Variants in CPLX1 observed in about 807,000 individuals in gnomAD.
CPLX1 encodes complexin 1, also known as complexin-1.
A neutral mutation model predicts 15.6 loss-of-function variants in CPLX1; 6 were observed. That is an observed-to-expected ratio of 0.39 (90% CI 0.21 to 0.76). The LOEUF is 0.76. CPLX1 is among the 30% of genes least tolerant of loss of function. The probability of loss-of-function intolerance (pLI) is 0.43; values close to 1 mark genes in which losing one functional copy is unlikely to be tolerated. For synonymous variants in CPLX1, 91 were observed against 75.2 expected (o/e 1.21, Z -1.08); for missense variants, 242 against 188.6 (o/e 1.28, Z -1.66).
Position 786,182 on chromosome 4 carries a change from A to G in CPLX1, c.*319T>C. ...CGCCCACCGCCGCGAACGCGCGCACAGGGGTGGTCGCGGGGCTGCCCTTCG... is the reference window on the plus strand; with the variant it reads ...CGCCCACCGCCGCGAACGCGCGCACGGGGGTGGTCGCGGGGCTGCCCTTCG... On this transcript the variant is annotated 3_prime_UTR_variant, in exon 4 of 4. Transcript: ENST00000304062. 5.1e-6 allele frequency: 1 copy of G among 195,448 alleles called. No homozygotes were observed. The allele number at this position is 195,448 out of a possible 1,614,324, so 12.1% of individuals were successfully genotyped here.
At chr4:790,059 G>A (rs116578450) in intron 3 of CPLX1, among the ~76,000 whole-genome samples, 2 of 74,600 alleles carry the variant, frequency 2.7e-5, no homozygotes, top group African/African-American at 9.1e-5. Context: ...CCACGCCTGA[G>A]GGCAGCGTTC....
chr4:807,307 C>T (rs1363400385), intron 2 of CPLX1, among the ~76,000 whole-genome samples: 9 of 152,146 alleles, frequency 5.9e-5, no homozygotes, highest in Admixed American at 5.2e-4. Flanking sequence ...GGGAAAAACA[C>T]ACACTGGGGC....
chr4:809,182 A>G (rs1302512027), intron 2 of CPLX1, among the ~76,000 whole-genome samples: 1 of 152,198 alleles, frequency 6.6e-6, no homozygotes, highest in Non-Finnish European at 1.5e-5. Context: ...CACGCTGTGA[A>G]CCGTATCTTG....
chr4:823,070 T>C (rs1352202532), intron 2 of CPLX1, among the ~76,000 whole-genome samples: 1 of 152,212 alleles, frequency 6.6e-6, no homozygotes, highest in Non-Finnish European at 1.5e-5. Context: ...ATTTCAGTCA[T>C]GTAGACAGCC....
intron 2 of CPLX1, among the ~76,000 whole-genome samples, chr4:810,047 CTTTTTTT>C (rs34354609): frequency 1.2e-4 from 14 of 120,342 alleles, no homozygotes; most frequent in South Asian, 5.5e-4. Context: ...TCTGCACTTT[CTTTTTTT>C]TTTTTTTTTT....
intron 2 of CPLX1, among the ~76,000 whole-genome samples, chr4:803,462 G>C (rs187225316): frequency 2.0e-5 from 3 of 152,200 alleles, no homozygotes; most frequent in Non-Finnish European, 2.9e-5. Context: ...GCCATCTCGG[G>C]TCACTGCAAG....
chr4:825,287 C>T (rs1025744118), intron 1 of CPLX1, among the ~76,000 whole-genome samples: 2 of 152,292 alleles, frequency 1.3e-5, no homozygotes, highest in East Asian at 1.9e-4. Context: ...CCGCAGTGAG[C>T]CCCCCGGTTT....
chr4:791,440 G>A (rs3775146), intron 3 of CPLX1, among the ~76,000 whole-genome samples: 3 of 151,958 alleles, frequency 2.0e-5, no homozygotes, highest in African/African-American at 7.2e-5. Context: ...TGCATGTGCC[G>A]CACCTGCCCC....
chr4:810,252 T>C (rs1746641782), intron 2 of CPLX1, among the ~76,000 whole-genome samples: 1 of 151,518 alleles, frequency 6.6e-6, no homozygotes. Flanking sequence ...GGTTTCACCA[T>C]GTTAGCCAGG....
intron 2 of CPLX1, among the ~76,000 whole-genome samples, chr4:810,940 G>T (rs1046751444): frequency 6.6e-6 from 1 of 151,210 alleles, no homozygotes; most frequent in Non-Finnish European, 1.5e-5. Context: ...CAGGTGATCC[G>T]CCCGCCTCAG....
chr4:805,438 A>C (rs1577477954), intron 2 of CPLX1, among the ~76,000 whole-genome samples: 1 of 152,220 alleles, frequency 6.6e-6, no homozygotes, highest in Non-Finnish European at 1.5e-5. Flanking sequence ...GGCTGTTATC[A>C]AAAACCAGGA....
At chr4:823,921 G>A (rs1355380215) in intron 2 of CPLX1, among the ~76,000 whole-genome samples, 2 of 152,240 alleles carry the variant, frequency 1.3e-5, no homozygotes, top group African/African-American at 2.4e-5. Context: ...AGACACACAA[G>A]CTGTTTCGGG....
intron 3 of CPLX1, chr4:787,930 A>G: frequency 5.1e-6 from 5 of 985,188 alleles, no homozygotes; most frequent in Non-Finnish European, 6.0e-6. Flanking sequence ...ACGGAGCTGG[A>G]CTTCCATCCC....
intron 2 of CPLX1, chr4:804,805 G>C (rs1746523155): frequency 3.5e-5 from 34 of 985,280 alleles, no homozygotes; most frequent in Non-Finnish European, 4.1e-5. Context: ...CGGCTCTGGC[G>C]GTCGTCAGCC....
intron 2 of CPLX1, among the ~76,000 whole-genome samples, chr4:812,288 G>A (rs1244061910): frequency 6.6e-6 from 1 of 152,052 alleles, no homozygotes; most frequent in African/African-American, 2.4e-5. Flanking sequence ...TGTTGTCCAG[G>A]ATGGTCTTGA....
At chr4:804,847 T>C in intron 2 of CPLX1, 1 of 981,398 alleles carries the variant, frequency 1.0e-6, no homozygotes, top group Non-Finnish European at 1.2e-6. Context: ...AGCGACGTGC[T>C]CAGCCTCCAC....
chr4:786,605 T>G lies in CPLX1; in HGVS notation c.301A>C (p.Ile101Leu), dbSNP rs1745998896. The G allele has an allele frequency of 6.2e-7, 1 of 1,612,280 alleles. No homozygotes were observed. The highest frequency in any genetic ancestry group is 8.5e-7 in the Non-Finnish European group (1 of 1,179,400). ...EGSLTRPKKA[I>L]PPGCGDEVEE... ...ACCTCGTCCCCGCAGCCCGGCGGGA[T>G]GGCCTTCTTGGGCCGCGTCAAGCTC... Residue 101 changes from isoleucine to leucine, a missense_variant, in exon 4 of 4, where the codon ATC becomes CTC. Ile to Leu is a conservative substitution (Grantham distance 5). Coordinates refer to ENST00000304062, the MANE Select transcript of CPLX1 (RefSeq NM_006651.4).
At chr4:795,133 C>CG (rs371663137) in intron 2 of CPLX1, among the ~76,000 whole-genome samples, 3 of 152,382 alleles carry the variant, frequency 2.0e-5, no homozygotes, top group African/African-American at 7.2e-5. Context: ...CACGCCCCCC[C>CG]GCTTTTCGGC....
intron 3 of CPLX1, 142 bp downstream of exon 3, chr4:792,290 CG>C: frequency 2.8e-6 from 2 of 724,306 alleles, no homozygotes; most frequent in African/African-American, 1.9e-5. Context: ...CTCACCCCTC[CG>C]CCACTCTGAA....
Sources: gnomAD v4.1 joint callset for allele counts (sites outside exome capture counted in the v4.1 genomes callset) on GRCh38, gnomAD v4.1.1 for gene constraint, MANE v1.5 for transcripts, NCBI Gene and HGNC (gene_info 2026-07-23, HGNC 2026-07-21) for gene names.